Variants in KLHL22 observed in about 807,000 individuals in gnomAD.
The protein encoded by KLHL22 is kelch-like protein 22.
KLHL22 carries 18 observed loss-of-function variants against 60.7 expected under a neutral mutation model. The ratio of observed to expected loss-of-function variants is 0.30; its 90% CI spans 0.20 to 0.44. The LOEUF is 0.44. KLHL22 is among the 20% of genes least tolerant of loss of function. The pLI is 1.00. For synonymous variants in KLHL22, 355 were observed against 354.5 expected (o/e 1.00, Z -0.01); for missense variants, 596 against 852.3 (o/e 0.70, Z 3.74).
chr22:20,465,541 G>A lies in KLHL22; in HGVS notation c.429C>T (p.Leu143=). The part of the protein sequence containing the change: ...PEIIHFCCDF[L]MSWVDEENIL... ...TGTTCTCTTCGTCCACCCAGGACAT[G>A]AGGAAATCACAGCAGAAATGGATAA... is the stretch of plus-strand genomic sequence containing the variant. Residue 143 remains leucine (L), a synonymous_variant, in exon 4 of 7, where the codon CTC becomes CTT. Transcript: ENST00000328879. The surrounding 1 kb of genome is among the most constrained non-coding windows in gnomAD (Gnocchi z 4.9). 1 of 1,594,938 alleles carries A rather than the reference G, an allele frequency of 6.3e-7. No individual in the cohort carries two copies. Among genetic ancestry groups the A allele is most frequent in the South Asian group, 1.1e-5 (1 of 90,628 alleles).
At position 20,465,190 on chromosome 22, in the gene KLHL22, C is replaced by T. The variant is rs1417914648; in HGVS notation, c.780G>A (p.Lys260=). Residue 260 remains lysine (K), a synonymous_variant, in exon 4 of 7, where the codon AAG becomes AAA. Transcript: ENST00000328879. This position sits in a 1 kb window ranked among gnomAD's most constrained non-coding sequence, Gnocchi z 4.9. ...TGTCCCTCAAAGGGCTGGGGTCCAG[C>T]TTGTCATGCAGCCGCTGCAGGACCT... ...EAEVLQRLHD[K]LDPSPLRDTV... is the part of the protein sequence containing the mutation. 1 of 1,613,850 alleles carries T rather than the reference C, an allele frequency of 6.2e-7. No homozygotes were observed. Among genetic ancestry groups the T allele is most frequent in the Admixed American group, 1.7e-5 (1 of 60,008 alleles).
chr22:20,451,951 T>G (rs1469859446), intron 5 of KLHL22: 2 of 817,786 alleles, frequency 2.4e-6, no homozygotes, highest in Non-Finnish European at 3.9e-6. Flanking sequence ...ACCAGTGCAG[T>G]GATGATTGTA....
At chr22:20,460,147 A>ACTTTCC (rs1412113592) in intron 4 of KLHL22, among the ~76,000 whole-genome samples, 11 of 152,060 alleles carry the variant, frequency 7.2e-5, no homozygotes, top group Non-Finnish European at 8.8e-5. Flanking sequence ...CTTTATATAC[A>ACTTTCC]AGTCTCTCCT....
chr22:20,450,746 A>G (rs2052963742), intron 5 of KLHL22: 2 of 1,331,294 alleles, frequency 1.5e-6, no homozygotes, highest in Admixed American at 3.4e-5. Flanking sequence ...GCCAAGAAAG[A>G]GCAGAAAGAC....
chr22:20,457,979 G>A lies in KLHL22; in HGVS notation c.1134C>T (p.Arg378=). 6.2e-7 allele frequency: 1 copy of A among 1,614,156 alleles called. No homozygotes were observed. The highest frequency in any genetic ancestry group is 8.5e-7 in the Non-Finnish European group (1 of 1,180,020). The change falls in exon 5 of 7, where the codon CGC becomes CGT. Residue 378 remains arginine (R), a synonymous_variant. Coordinates refer to ENST00000328879, the MANE Select transcript of KLHL22 (RefSeq NM_032775.4). The stretch of plus-strand genomic sequence containing the variant: ...GCTGCAGGGACTGGATCTGGAACCA[G>A]CGGTTGTGCCGTGGGTCATACCTGT... ...RCWRYDPRHN[R]WFQIQSLQQE...
chr22:20,461,425 C>T (rs1027254470), intron 4 of KLHL22, among the ~76,000 whole-genome samples: 18 of 151,708 alleles, frequency 1.2e-4, no homozygotes, highest in African/African-American at 3.9e-4. Context: ...TGGTGGTGGG[C>T]GCTTGTAGTC....
intron 5 of KLHL22, chr22:20,450,902 C>T: frequency 6.2e-7 from 1 of 1,612,628 alleles, no homozygotes; most frequent in Non-Finnish European, 8.5e-7. Flanking sequence ...CATCTGAGGC[C>T]TGAACTTCAG....
chr22:20,493,616 C>T (rs758400572), intron 1 of KLHL22, among the ~76,000 whole-genome samples: 4 of 152,058 alleles, frequency 2.6e-5, no homozygotes, highest in South Asian at 4.1e-4. Flanking sequence ...CCCATCTCTA[C>T]TAAAAATACA....
At chr22:20,455,967 C>T (rs942006536) in intron 5 of KLHL22, among the ~76,000 whole-genome samples, 1 of 152,232 alleles carries the variant, frequency 6.6e-6, no homozygotes, top group African/African-American at 2.4e-5. Flanking sequence ...ACTCGGCCTT[C>T]AGAATGTACC....
At chr22:20,451,175 C>T in intron 5 of KLHL22, 1 of 1,592,564 alleles carries the variant, frequency 6.3e-7, no homozygotes, top group South Asian at 1.1e-5. Context: ...GACTACACAG[C>T]AGATGAGGAT....
chr22:20,458,781 C>T (rs1008247758), intron 4 of KLHL22, among the ~76,000 whole-genome samples: 2 of 152,122 alleles, frequency 1.3e-5, no homozygotes, highest in Non-Finnish European at 2.9e-5. Context: ...CTCTGGTCAT[C>T]GTACTTTCAC....
chr22:20,456,158 C>T (rs1403987240), intron 5 of KLHL22: 1 of 152,212 alleles, frequency 6.6e-6, no homozygotes, highest in African/African-American at 2.4e-5. Flanking sequence ...CCTCTAGATT[C>T]ATCCTACCAG....
rs374479788 is a variant in KLHL22 at position 20,465,272 on chromosome 22, G to A, written c.698C>T (p.Ser233Leu). The change falls in exon 4 of 7, where the codon TCG becomes TTG. Residue 233 changes from serine (S) to leucine (L), a missense_variant. Coordinates refer to ENST00000328879, the MANE Select transcript of KLHL22 (RefSeq NM_032775.4). This position sits in a 1 kb window ranked among gnomAD's most constrained non-coding sequence, Gnocchi z 4.9. ...SLEQVQADQI[S>L]LHEPPKLLET... Reference sequence around the variant, plus strand: ...AAGGAGCTTTGGGGGCTCGTGCAGCGAGATCTGGTCAGCCTGCACCTGCTC... The same window carrying A: ...AAGGAGCTTTGGGGGCTCGTGCAGCAAGATCTGGTCAGCCTGCACCTGCTC... 242 of 1,613,884 alleles carry A rather than the reference G, an allele frequency of 1.5e-4. No homozygotes were observed. Among genetic ancestry groups the A allele is most frequent in the Non-Finnish European group, 1.9e-4 (226 of 1,180,018 alleles).
intron 4 of KLHL22, among the ~76,000 whole-genome samples, chr22:20,459,340 G>A (rs895501811): frequency 2.6e-5 from 4 of 152,230 alleles, no homozygotes; most frequent in African/African-American, 4.8e-5. Context: ...CCTCCCCGCC[G>A]CCTACCAGGA....
intron 2 of KLHL22, chr22:20,482,948 C>T (rs2053528467): frequency 2.3e-6 from 2 of 858,412 alleles, no homozygotes; most frequent in Admixed American, 3.5e-5. Context: ...GAAGTCCTCG[C>T]CATCTTCCAG....
intron 1 of KLHL22, chr22:20,489,668 A>G (rs1373011266): frequency 2.1e-6 from 1 of 470,814 alleles, no homozygotes; most frequent in Non-Finnish European, 4.4e-6. Flanking sequence ...AACATGAAGC[A>G]TAAGCACACA....
chr22:20,447,286 G>A (rs77101095), intron 5 of KLHL22, among the ~76,000 whole-genome samples: 4,654 of 152,200 alleles, frequency 0.031, 228 homozygotes, highest in African/African-American at 0.11. Context: ...TACCACTTCC[G>A]GAACCCACCC....
At chr22:20,485,847 G>T (rs2053576310) in intron 2 of KLHL22, among the ~76,000 whole-genome samples, 1 of 151,592 alleles carries the variant, frequency 6.6e-6, no homozygotes, top group African/African-American at 2.4e-5. Flanking sequence ...CAGCCTGGGG[G>T]ACAGGGCGAG....
intron 1 of KLHL22, chr22:20,493,049 T>C (rs2053715730): frequency 4.8e-6 from 2 of 420,288 alleles, no homozygotes; most frequent in Non-Finnish European, 9.8e-6. Flanking sequence ...AGCTTTCTCA[T>C]CACCACCATG....
Sources: gnomAD v4.1 joint callset for allele counts (sites outside exome capture counted in the v4.1 genomes callset) on GRCh38, gnomAD v4.1.1 for gene constraint, Gnocchi (gnomAD v3.1) non-coding constraint, MANE v1.5 for transcripts, NCBI Gene and HGNC (gene_info 2026-07-23, HGNC 2026-07-21) for gene names.